The following NLK variants were observed in gnomAD, a reference collection of about 807,000 sequenced individuals.
The protein encoded by NLK is nemo like kinase.
In NLK, 11 loss-of-function variants were observed where a neutral mutation model predicts 59.0. The ratio of observed to expected loss-of-function variants is 0.19; its 90% CI spans 0.12 to 0.31. NLK has a LOEUF of 0.31. NLK is among the 10% of genes least tolerant of loss of function. The pLI, the probability that NLK is intolerant of heterozygous loss-of-function variation, is 1.00. For synonymous variants in NLK, 235 were observed against 235.9 expected, an observed-to-expected ratio of 1.00 and a Z score of 0.03; for missense variants, 410 against 661.1, an observed-to-expected ratio of 0.62 and a Z score of 4.16.
At chr17:28,160,068 G>A (rs997968508) in intron 3 of NLK, among the ~76,000 whole-genome samples, 5 of 152,184 alleles carry the variant, frequency 3.3e-5, no homozygotes, top group African/African-American at 9.7e-5. Context: ...CTTAAGGAAA[G>A]ATTAACTAGA....
chr17:28,134,188 A>C (rs892753831), intron 3 of NLK, among the ~76,000 whole-genome samples: 1 of 152,164 alleles, frequency 6.6e-6, no homozygotes, highest in South Asian at 2.1e-4. Context: ...ACTTGAGCCC[A>C]GGAGTTGAAG....
intron 9 of NLK, among the ~76,000 whole-genome samples, chr17:28,191,470 G>A (rs955681785): frequency 1.3e-5 from 2 of 152,180 alleles, no homozygotes; most frequent in African/African-American, 2.4e-5. Context: ...CTCAAAATAT[G>A]TTTAATATGT....
At chr17:28,164,241 A>T (rs562402610) in intron 5 of NLK, among the ~76,000 whole-genome samples, 4 of 151,950 alleles carry the variant, frequency 2.6e-5, no homozygotes, top group Non-Finnish European at 5.9e-5. Flanking sequence ...GTGGTTGCAC[A>T]TGCCTGTAGT....
chr17:28,042,726 C>G lies in NLK; in HGVS notation c.-148C>G. 1 of 709,464 alleles carries G rather than the reference C, an allele frequency of 1.4e-6. No individual in the cohort carries two copies. Among genetic ancestry groups the G allele is most frequent in the South Asian group, 2.5e-5 (1 of 39,854 alleles). 43.9% of individuals were successfully genotyped at this position (709,464 alleles called of 1,614,324 possible). A position where few individuals can be genotyped will look rare whatever the true frequency, so the allele number is the denominator to read the frequency against. ...CACACGCTCACCCCAAAATTAAACACCAAGATCCTCTAACTTGTTTGGATT... is the reference window on the plus strand; with the variant it reads ...CACACGCTCACCCCAAAATTAAACAGCAAGATCCTCTAACTTGTTTGGATT... On this transcript the variant is annotated 5_prime_UTR_variant, in exon 1 of 11. Coordinates refer to ENST00000407008, the MANE Select transcript of NLK (RefSeq NM_016231.5).
intron 1 of NLK, among the ~76,000 whole-genome samples, chr17:28,072,916 A>C (rs1910054187): frequency 1.3e-5 from 2 of 152,036 alleles, no homozygotes; most frequent in South Asian, 4.1e-4. Flanking sequence ...GGTCTAATAC[A>C]TTGGCTCTTA....
chr17:28,052,502 A>G (rs538748949), intron 1 of NLK, among the ~76,000 whole-genome samples: 3 of 152,150 alleles, frequency 2.0e-5, no homozygotes, highest in African/African-American at 4.8e-5. Flanking sequence ...GTGCCCAAAG[A>G]GGGAGAGTGA....
intron 5 of NLK, among the ~76,000 whole-genome samples, chr17:28,167,636 A>G (rs979719836): frequency 3.4e-5 from 5 of 147,760 alleles, no homozygotes; most frequent in African/African-American, 1.3e-4. Context: ...GATTGCTTGA[A>G]CCCAGGAGTT....
intron 2 of NLK, among the ~76,000 whole-genome samples, chr17:28,126,864 A>G (rs1567721512): frequency 6.6e-6 from 1 of 152,140 alleles, no homozygotes; most frequent in African/African-American, 2.4e-5. Flanking sequence ...CTACCCATCT[A>G]TGCATTTGTG....
chr17:28,107,246 C>A (rs1905215623), intron 1 of NLK, among the ~76,000 whole-genome samples: 1 of 151,970 alleles, frequency 6.6e-6, no homozygotes, highest in Non-Finnish European at 1.5e-5. Context: ...CCAGCCTGGC[C>A]AACATGATGA....
At chr17:28,046,096 G>A (rs1348253140) in intron 1 of NLK, among the ~76,000 whole-genome samples, 1 of 152,158 alleles carries the variant, frequency 6.6e-6, no homozygotes, top group Non-Finnish European at 1.5e-5. Context: ...ACTAACTGAT[G>A]GCTAAAAAAG....
At chr17:28,183,731 C>T (rs1038108285) in intron 7 of NLK, among the ~76,000 whole-genome samples, 5 of 152,002 alleles carry the variant, frequency 3.3e-5, no homozygotes, top group Non-Finnish European at 7.4e-5. Flanking sequence ...GGTCTAAAAC[C>T]CATTAGGAAA....
At chr17:28,043,407 G>T (rs1215969084) in intron 1 of NLK, 76 bp downstream of exon 1, 11 of 1,273,902 alleles carry the variant, frequency 8.6e-6, no homozygotes, top group Non-Finnish European at 4.3e-6. Flanking sequence ...ATCTCTAATG[G>T]TTGTCTCCAT....
intron 1 of NLK, among the ~76,000 whole-genome samples, chr17:28,083,123 T>C (rs1372714229): frequency 6.6e-6 from 1 of 152,218 alleles, no homozygotes; most frequent in African/African-American, 2.4e-5. Context: ...GCATTTGTTT[T>C]CAGTTATGAG....
chr17:28,055,220 G>A (rs1416986269), intron 1 of NLK, among the ~76,000 whole-genome samples: 1 of 151,566 alleles, frequency 6.6e-6, no homozygotes, highest in Non-Finnish European at 1.5e-5. Flanking sequence ...ATCTTCCCGA[G>A]TAGCTGGGAC....
chr17:28,194,077 A>G (rs927024304), intron 10 of NLK, among the ~76,000 whole-genome samples: 4 of 152,228 alleles, frequency 2.6e-5, no homozygotes, highest in African/African-American at 9.7e-5. Flanking sequence ...TGATAAAAGA[A>G]TGCTTATAAG....
At chr17:28,072,630 AT>A (rs1221019635) in intron 1 of NLK, among the ~76,000 whole-genome samples, 1 of 150,986 alleles carries the variant, frequency 6.6e-6, no homozygotes, top group Non-Finnish European at 1.5e-5. Context: ...TGCTTTTCAT[AT>A]TTTTCTCTTT....
Position 28,185,344 on chromosome 17 carries a change from G to C in NLK, c.1236+79G>C, listed in dbSNP as rs924731955. The C allele has an allele frequency of 7.9e-5, 67 of 851,144 alleles. 1 individual carries two copies. The highest frequency in any genetic ancestry group is 6.9e-4 in the Admixed American group (26 of 37,742). The allele number at this position is 851,144 out of a possible 1,614,324, so 52.7% of individuals were successfully genotyped here. On this transcript the variant is annotated intron_variant, in intron 8 of 10. Coordinates refer to ENST00000407008, the MANE Select transcript of NLK (RefSeq NM_016231.5). ...GAGAGAAACATTGTGGTTTTGAATA[G>C]ATTGGCAATGTAAATAATTACTTTT...
chr17:28,172,119 G>T (rs1022844932), intron 6 of NLK, among the ~76,000 whole-genome samples: 1 of 149,416 alleles, frequency 6.7e-6, no homozygotes, highest in Non-Finnish European at 1.5e-5. Flanking sequence ...ATAATAACAG[G>T]AATTTATTTA....
At chr17:28,106,266 TTA>T (rs1905076948) in intron 1 of NLK, among the ~76,000 whole-genome samples, 1 of 152,214 alleles carries the variant, frequency 6.6e-6, no homozygotes, top group Non-Finnish European at 1.5e-5. Flanking sequence ...ACAGTGTGCT[TTA>T]TTTTTATGAA....
Sources: allele counts gnomAD v4.1 joint callset (sites outside exome capture counted in the v4.1 genomes callset), GRCh38; gene constraint gnomAD v4.1.1; transcripts MANE v1.5; gene names NCBI Gene and HGNC (gene_info 2026-07-23, HGNC 2026-07-21).